The following PSG1 variants were observed in gnomAD, a reference collection of about 807,000 sequenced individuals.
PSG1 encodes the protein pregnancy-specific beta-1-glycoprotein 1.
Under a neutral mutation model 41.4 loss-of-function variants are expected in PSG1, and 60 were observed. The ratio of observed to expected loss-of-function variants is 1.45; its 90% CI spans 1.18 to 1.80. The LOEUF is 1.80. Among genes scored for constraint, PSG1 ranks in the 40% most tolerant of loss-of-function variants. The pLI, the probability that PSG1 is intolerant of heterozygous loss-of-function variation, is 0.00. For missense variants in PSG1, 806 were observed against 516.9 expected, an observed-to-expected ratio of 1.56 and a Z score of -5.42; for synonymous variants, 256 against 192.9, an observed-to-expected ratio of 1.33 and a Z score of -2.71.
chr19:42,867,493 T>G (rs1196168074), intron 5 of PSG1: 2 of 586,752 alleles, frequency 3.4e-6, no homozygotes, highest in Non-Finnish European at 6.1e-6. Flanking sequence ...TTGCCTGCAG[T>G]TCATATTGGT....
chr19:42,868,657 G>T lies in PSG1; in HGVS notation c.988+99C>A, dbSNP rs530455468. The stretch of plus-strand genomic sequence containing the variant: ...CCAGCTCCGATGTCCAGAAGTAAAG[G>T]TGTCTATACTTGGACCGGAGAGAGA... On this transcript the variant is annotated intron_variant, in intron 4 of 5. Coordinates refer to ENST00000436291, the MANE Select transcript of PSG1 (RefSeq NM_001184825.2). 308 of 1,570,778 alleles carry T rather than the reference G, an allele frequency of 2.0e-4. 8 individuals are homozygous for T. The highest frequency in any genetic ancestry group is 7.8e-4 in the Admixed American group (44 of 56,748).
chr19:42,874,963 G>A (rs771448035), intron 2 of PSG1, among the ~76,000 whole-genome samples: 2 of 151,754 alleles, frequency 1.3e-5, no homozygotes, highest in African/African-American at 2.4e-5. Flanking sequence ...TGCCTGACAG[G>A]AAGCCAGAAG....
rs543188901 is a variant in PSG1 at position 42,868,739 on chromosome 19, G to A, written c.988+17C>T. The stretch of plus-strand genomic sequence containing the variant: ...TAAGCTGGTGTCCTGGCCCACAGAG[G>A]AACAAAAGATACTCACAGAGGACAT... On this transcript the variant is annotated intron_variant, in intron 4 of 5. Coordinates refer to ENST00000436291, the MANE Select transcript of PSG1 (RefSeq NM_001184825.2). The A allele has an allele frequency of 1.9e-6, 3 of 1,610,926 alleles. No individual in the cohort carries two copies. The highest frequency in any genetic ancestry group is 2.2e-5 in the East Asian group (1 of 44,778).
At chr19:42,875,315 G>A (rs1007092540) in intron 2 of PSG1, among the ~76,000 whole-genome samples, 1 of 151,714 alleles carries the variant, frequency 6.6e-6, no homozygotes, top group Non-Finnish European at 1.5e-5. Flanking sequence ...ACTAGTGAAA[G>A]ACCATGAGAT....
Position 42,878,330 on chromosome 19 carries a change from A to G in PSG1, c.65-52T>C, listed in dbSNP as rs371826987. ...ATATTGAGACCTATGTATTGGTGTG[A>G]AAACATGGGGCCCTGGGTCCTGAGA... On this transcript the variant is annotated intron_variant, in intron 1 of 5. Transcript: ENST00000436291. 5 of 1,551,506 alleles carry G rather than the reference A, an allele frequency of 3.2e-6. No homozygotes were observed. The African/African-American group carries it at 5.5e-5, about 17-fold the overall frequency.
Position 42,871,207 on chromosome 19 carries a change from G to T in PSG1, c.709+560C>A, listed in dbSNP as rs1396533727. Among the ~76,000 whole-genome samples, 7 of 151,706 alleles carry T rather than the reference G, an allele frequency of 4.6e-5. No homozygotes were observed. In the East Asian group the frequency reaches 1.2e-3, roughly 25 times the overall value. On this transcript the variant is annotated intron_variant, in intron 3 of 5. Transcript: ENST00000436291. ...CCTGTATATGTTTTAGTGATTTGGG[G>T]TATAAAGAACACTTGTGTTGATTGC... is the stretch of plus-strand genomic sequence containing the variant.
intron 1 of PSG1, among the ~76,000 whole-genome samples, chr19:42,878,719 C>T (rs1443399724): frequency 1.3e-5 from 2 of 149,476 alleles, no homozygotes; most frequent in Admixed American, 6.7e-5. Context: ...AACACCTGAC[C>T]TCACATTCTA....
In PSG1 at chr19:42,878,020, A is replaced by C. The variant is rs779288376; in HGVS notation, c.323T>G (p.Leu108Arg). Reference protein sequence around the residue: ...RETAYSNASLLIQNVTREDAG... With the variant: ...RETAYSNASLRIQNVTREDAG... ...GTCCTCCCGGGTGACATTCTGGATCAGCAGGGATGCATTGGAATATGCTGT... is the reference window on the plus strand; with the variant it reads ...GTCCTCCCGGGTGACATTCTGGATCCGCAGGGATGCATTGGAATATGCTGT... The change falls in exon 2 of 6, where the codon CTG (leucine) becomes CGG (arginine). Residue 108 changes from leucine to arginine, a missense_variant. Coordinates refer to ENST00000436291, the MANE Select transcript of PSG1 (RefSeq NM_001184825.2). The C allele has an allele frequency of 5.6e-6, 9 of 1,612,504 alleles. No individual in the cohort carries two copies. The highest frequency in any genetic ancestry group is 1.7e-4 in the Middle Eastern group (1 of 6,058).
chr19:42,872,413 G>C (rs1414500211), intron 2 of PSG1, among the ~76,000 whole-genome samples: 2 of 151,670 alleles, frequency 1.3e-5, no homozygotes, highest in African/African-American at 4.8e-5. Flanking sequence ...AATCTTGTTA[G>C]TTTCAGTCTC....
Position 42,867,157 on chromosome 19 carries a change from G to A in PSG1, c.1244-7C>T, listed in dbSNP as rs763062242. The A allele has an allele frequency of 7.6e-5, 58 of 767,786 alleles. 1 individual carries two copies. Among genetic ancestry groups the A allele is most frequent in the Middle Eastern group, 6.7e-4 (3 of 4,456 alleles). 47.6% of individuals were successfully genotyped at this position (767,786 alleles called of 1,614,324 possible). A position where few individuals can be genotyped will look rare whatever the true frequency, so the allele number is the denominator to read the frequency against. Reference sequence around the variant, plus strand: ...ATTCAGGGAACTGTCCAGTCTACAGGTGGATAATAAAAACACAGAAACAAT... The same window carrying A: ...ATTCAGGGAACTGTCCAGTCTACAGATGGATAATAAAAACACAGAAACAAT... On this transcript the variant is annotated splice_region_variant and splice_polypyrimidine_tract_variant and intron_variant, in intron 5 of 5. Transcript: ENST00000436291.
At chr19:42,873,776 T>G (rs184450947) in intron 2 of PSG1, among the ~76,000 whole-genome samples, 14 of 151,684 alleles carry the variant, frequency 9.2e-5, no homozygotes, top group Admixed American at 2.6e-4. Context: ...AGAAGTGATG[T>G]GTGTTATGTT....
chr19:42,873,281 T>C lies in PSG1; in HGVS notation c.431-1236A>G, dbSNP rs57610398. On this transcript the variant is annotated intron_variant, in intron 2 of 5. Coordinates refer to ENST00000436291, the MANE Select transcript of PSG1 (RefSeq NM_001184825.2). ...GGAATATTTGCAGTACATGTACTGG[T>C]TTAGCATCCCAAATCTGAAAAATTT... Among the ~76,000 whole-genome samples the C allele has an allele frequency of 3.6e-3, 540 of 151,800 alleles. 9 individuals carry two copies. Among genetic ancestry groups the C allele is most frequent in the African/African-American group, 0.012 (504 of 41,384 alleles).
At chr19:42,873,542 T>C (rs990131955) in intron 2 of PSG1, among the ~76,000 whole-genome samples, 5 of 151,824 alleles carry the variant, frequency 3.3e-5, no homozygotes, top group African/African-American at 1.2e-4. Context: ...AAATTTTTAC[T>C]GATGGTCCAA....
In PSG1 at chr19:42,877,384, G is replaced by T. The variant is rs940117292; in HGVS notation, c.430+529C>A. 1.8e-4 allele frequency among the ~76,000 whole-genome samples: 28 copies of T among 151,624 alleles called. 1 individual carries two copies. Among genetic ancestry groups the T allele is most frequent in the Non-Finnish European group, 3.5e-4 (24 of 67,904 alleles). On this transcript the variant is annotated intron_variant, in intron 2 of 5. Transcript: ENST00000436291. ...CTCTGAGGGCTGAGCCCTGGCTGGT[G>T]AACAGCTCCAGGAGACACAGTCCTC...
intron 2 of PSG1, among the ~76,000 whole-genome samples, chr19:42,875,380 T>G (rs1278223528): frequency 6.6e-6 from 1 of 151,782 alleles, no homozygotes; most frequent in African/African-American, 2.4e-5. Flanking sequence ...GTTTCTATAA[T>G]CCCTGACTGC....
chr19:42,879,240 C>T (rs569133066), intron 1 of PSG1, among the ~76,000 whole-genome samples: 7 of 150,150 alleles, frequency 4.7e-5, no homozygotes, highest in South Asian at 2.1e-4. Context: ...GCAACTTCTG[C>T]CTCCCGGGTT....
intron 5 of PSG1, chr19:42,867,867 G>T (rs1241331623): frequency 2.2e-6 from 3 of 1,354,372 alleles, no homozygotes; most frequent in Admixed American, 5.0e-5. Flanking sequence ...TTATTTCAAT[G>T]AAATCAATGT....
At chr19:42,871,255 A>C (rs1568419261) in intron 3 of PSG1, among the ~76,000 whole-genome samples, 1 of 151,692 alleles carries the variant, frequency 6.6e-6, no homozygotes, top group Non-Finnish European at 1.5e-5. Flanking sequence ...GCAATCAGCC[A>C]AGAATGCTCT....
At position 42,869,026 on chromosome 19, in the gene PSG1, G is replaced by T. The variant is rs755632855; in HGVS notation, c.718C>A (p.Pro240Thr). The T allele has an allele frequency of 2.5e-6, 4 of 1,609,684 alleles. No homozygotes were observed. The South Asian group carries it at 4.4e-5, about 18-fold the overall frequency. The change falls in exon 4 of 6, where the codon CCC becomes ACC. Residue 240 changes from proline (P) to threonine (T), a missense_variant. Transcript: ENST00000436291. The part of the protein sequence containing the change: ...PVTLNLLPKL[P>T]KPYITINNLN... ...TTGTTGATGGTGATGTAGGGCTTGG[G>T]CAGCTTCGCTGTGTGGATAACAGAG...
Sources: allele counts gnomAD v4.1 joint callset (sites outside exome capture counted in the v4.1 genomes callset), GRCh38; gene constraint gnomAD v4.1.1; transcripts MANE v1.5; gene names NCBI Gene and HGNC (gene_info 2026-07-23, HGNC 2026-07-21).